RANBP9: variants seen among roughly 807,000 people sequenced by gnomAD.
RANBP9 encodes ran-binding protein 9.
Under a neutral mutation model 84.3 loss-of-function variants are expected in RANBP9, and 15 were observed. The observed-to-expected ratio is 0.18, with a 90% CI of 0.12 to 0.27. The LOEUF (loss-of-function observed/expected upper bound fraction) is 0.27, where lower values mean the gene tolerates loss of function less well. Among genes scored for constraint, RANBP9 ranks in the 10% least tolerant of loss-of-function variants. RANBP9 has a pLI of 1.00. For synonymous variants in RANBP9, 392 were observed against 349.6 expected, an observed-to-expected ratio of 1.12 and a Z score of -1.35; for missense variants, 809 against 912.8, an observed-to-expected ratio of 0.89 and a Z score of 1.46.
At chr6:13,660,617 T>C (rs947314824) in intron 2 of RANBP9, among the ~76,000 whole-genome samples, 1 of 152,210 alleles carries the variant, frequency 6.6e-6, no homozygotes, top group African/African-American at 2.4e-5. Flanking sequence ...GTTTTAAAAC[T>C]GAGCAAAATT....
In RANBP9 at chr6:13,655,679, A is replaced by G. The variant is rs183331253; in HGVS notation, c.904+1430T>C. On this transcript the variant is annotated intron_variant, in intron 4 of 13. Transcript: ENST00000011619. ...CCCAAAATGAAATTTCTTCTCTGGAAAGTTTAAAAAGTTTATGTTAAAGAG... is the reference window on the plus strand; with the variant it reads ...CCCAAAATGAAATTTCTTCTCTGGAGAGTTTAAAAAGTTTATGTTAAAGAG... 2.0e-4 allele frequency among the ~76,000 whole-genome samples: 31 copies of G among 152,280 alleles called. No homozygotes were observed. The East Asian group carries it at 6.0e-3, about 29-fold the overall frequency.
intron 9 of RANBP9, among the ~76,000 whole-genome samples, chr6:13,638,829 G>GC (rs947821766): frequency 2.6e-5 from 4 of 152,080 alleles, no homozygotes; most frequent in Non-Finnish European, 2.9e-5. Flanking sequence ...GCTGACTTTT[G>GC]CAAGAGGCTT....
At chr6:13,694,829 C>T (rs1463190151) in intron 2 of RANBP9, among the ~76,000 whole-genome samples, 1 of 152,006 alleles carries the variant, frequency 6.6e-6, no homozygotes, top group Admixed American at 6.6e-5. Flanking sequence ...TCTCAATTAT[C>T]AGACTGAAAA....
chr6:13,636,027 A>G (rs1415711969), intron 10 of RANBP9, among the ~76,000 whole-genome samples: 1 of 152,174 alleles, frequency 6.6e-6, no homozygotes, highest in Non-Finnish European at 1.5e-5. Flanking sequence ...ATCACAAAAC[A>G]TGACATATTT....
chr6:13,638,939 T>C (rs1000960731), intron 9 of RANBP9, among the ~76,000 whole-genome samples: 2 of 152,198 alleles, frequency 1.3e-5, no homozygotes, highest in African/African-American at 4.8e-5. Flanking sequence ...ACATCACCTT[T>C]AAATTTATAT....
intron 2 of RANBP9, among the ~76,000 whole-genome samples, chr6:13,693,158 C>T (rs189621658): frequency 2.4e-4 from 36 of 152,060 alleles, no homozygotes; most frequent in African/African-American, 8.0e-4. Flanking sequence ...ACTTGAAGAC[C>T]AATTAATTAG....
chr6:13,679,809 C>T (rs116651395), intron 2 of RANBP9, among the ~76,000 whole-genome samples: 5 of 152,038 alleles, frequency 3.3e-5, no homozygotes, highest in Admixed American at 2.6e-4. Context: ...GACTGAGATG[C>T]GTTTTACTGT....
chr6:13,622,830 C>A (rs193007970), intron 13 of RANBP9, among the ~76,000 whole-genome samples: 36 of 152,282 alleles, frequency 2.4e-4, no homozygotes, highest in African/African-American at 7.9e-4. Context: ...TATTTCCCTT[C>A]TGGTTGATCA....
intron 1 of RANBP9, among the ~76,000 whole-genome samples, chr6:13,710,638 A>G (rs759160002): frequency 3.2e-4 from 48 of 152,224 alleles, no homozygotes; most frequent in Non-Finnish European, 6.3e-4. Flanking sequence ...TCAGAAAGCC[A>G]GTTCTGTCCT....
intron 13 of RANBP9, 147 bp downstream of exon 13, chr6:13,625,506 T>G: frequency 2.2e-6 from 1 of 457,048 alleles, no homozygotes; most frequent in East Asian, 3.4e-5. Context: ...AAGGAGGGGG[T>G]TTCTATATTT....
chr6:13,623,588 A>G (rs115754676), intron 13 of RANBP9, among the ~76,000 whole-genome samples: 2,079 of 152,314 alleles, frequency 0.014, 30 homozygotes, highest in Non-Finnish European at 0.023. Flanking sequence ...GCTCAAAGAC[A>G]AACATCTACA....
chr6:13,709,818 T>C (rs1157470025), intron 1 of RANBP9, among the ~76,000 whole-genome samples: 1 of 152,228 alleles, frequency 6.6e-6, no homozygotes, highest in East Asian at 1.9e-4. Flanking sequence ...CCCGTATAAG[T>C]TAAGAATTTA....
chr6:13,686,090 C>A, intron 2 of RANBP9, among the ~76,000 whole-genome samples: 1 of 117,098 alleles, frequency 8.5e-6, no homozygotes, highest in Non-Finnish European at 1.8e-5. Flanking sequence ...CCTGAATTTC[C>A]AAAATTTCTT....
chr6:13,685,524 A>G (rs7741743), intron 2 of RANBP9, among the ~76,000 whole-genome samples: 28,811 of 152,102 alleles, frequency 0.19, 2,993 homozygotes, highest in East Asian at 0.27. Context: ...CTATGGTTAC[A>G]GTGAGCTATG....
chr6:13,679,286 T>G (rs965345131), intron 2 of RANBP9, among the ~76,000 whole-genome samples: 4 of 152,188 alleles, frequency 2.6e-5, no homozygotes, highest in African/African-American at 9.7e-5. Context: ...AATATAAATA[T>G]ACAATACCTA....
At chr6:13,668,005 G>C (rs1314680003) in intron 2 of RANBP9, among the ~76,000 whole-genome samples, 1 of 151,940 alleles carries the variant, frequency 6.6e-6, no homozygotes, top group Non-Finnish European at 1.5e-5. Context: ...GATTAGGGGA[G>C]AAATAAGAGG....
chr6:13,693,556 G>A (rs920393975), intron 2 of RANBP9, among the ~76,000 whole-genome samples: 1 of 152,038 alleles, frequency 6.6e-6, no homozygotes, highest in African/African-American at 2.4e-5. Flanking sequence ...ACACCAGCCT[G>A]GGCAACATGG....
At position 13,674,142 on chromosome 6, in the gene RANBP9, GAAAC is replaced by G. The variant is rs1442713813; in HGVS notation, c.684-15314_684-15311del. Reference sequence around the variant, plus strand: ...AACAAGGAACAAGTATAATGAGTAAGAAACAAATATGGTAGACACTAAAACCCAA... The same window carrying G: ...AACAAGGAACAAGTATAATGAGTAAGAAATATGGTAGACACTAAAACCCAA... On this transcript the variant is annotated intron_variant, in intron 2 of 13. Coordinates refer to ENST00000011619, the MANE Select transcript of RANBP9 (RefSeq NM_005493.3). 2.7e-5 allele frequency among the ~76,000 whole-genome samples: 4 copies of G among 149,350 alleles called. No individual in the cohort carries two copies. The East Asian group carries it at 7.8e-4, about 29-fold the overall frequency.
chr6:13,674,935 A>G (rs940084340), intron 2 of RANBP9, among the ~76,000 whole-genome samples: 1 of 152,220 alleles, frequency 6.6e-6, no homozygotes, highest in Non-Finnish European at 1.5e-5. Flanking sequence ...TAACTGTCTC[A>G]GTGACAGTCT....
Sources: allele counts gnomAD v4.1 joint callset (sites outside exome capture counted in the v4.1 genomes callset), GRCh38; gene constraint gnomAD v4.1.1; transcripts MANE v1.5; gene names NCBI Gene and HGNC (gene_info 2026-07-23, HGNC 2026-07-21).